CDH18: variants seen among roughly 807,000 people sequenced by gnomAD.
The protein encoded by CDH18 is cadherin-18.
Under a neutral mutation model 67.9 loss-of-function variants are expected in CDH18, and 31 were observed. The observed-to-expected ratio is 0.46, with a 90% CI of 0.34 to 0.62. CDH18 has a LOEUF of 0.62. Among genes scored for constraint, CDH18 ranks in the 20% least tolerant of loss-of-function variants. The pLI, the probability that CDH18 is intolerant of heterozygous loss-of-function variation, is 0.01. For synonymous variants in CDH18, 362 were observed against 347.2 expected (o/e 1.04, Z -0.48); for missense variants, 890 against 975.5 (o/e 0.91, Z 1.17).
chr5:19,750,035 A>G (rs191562328), intron 3 of CDH18, among the ~76,000 whole-genome samples: 1 of 152,066 alleles, frequency 6.6e-6, no homozygotes, highest in African/African-American at 2.4e-5. Flanking sequence ...AATATTTAGC[A>G]TGAGTTTTTA....
rs1743046581 is a variant in CDH18, at chr5:20,242,622, A to ATG, written c.-518+12821_-518+12822insCA. On this transcript the variant is annotated intron_variant, in intron 2 of 14. Transcript: ENST00000507958. ...AAAAAAAAAAAAAAAATATATATAT[A>ATG]TATATATATATGTATATATATATAT... 2.8e-5 allele frequency among the ~76,000 whole-genome samples: 3 copies of ATG among 106,968 alleles called. 1 individual carries two copies. The highest frequency in any genetic ancestry group is 9.7e-5 in the Admixed American group (1 of 10,276). 70.2% of individuals were successfully genotyped at this position (106,968 alleles called of 152,430 possible). A position where few individuals can be genotyped will look rare whatever the true frequency, so the allele number is the denominator to read the frequency against.
intron 2 of CDH18, among the ~76,000 whole-genome samples, chr5:20,079,914 C>T (rs750829526): frequency 6.6e-6 from 1 of 152,040 alleles, no homozygotes; most frequent in Non-Finnish European, 1.5e-5. Context: ...GCTGAGAGGG[C>T]AGCAGAGAAA....
intron 2 of CDH18, among the ~76,000 whole-genome samples, chr5:19,931,227 C>T (rs1238976440): frequency 6.6e-6 from 1 of 151,888 alleles, no homozygotes; most frequent in Non-Finnish European, 1.5e-5. Flanking sequence ...CAAGATTCTT[C>T]AATGGCAATT....
intron 2 of CDH18, among the ~76,000 whole-genome samples, chr5:20,099,200 A>C (rs890262419): frequency 7.2e-5 from 11 of 152,158 alleles, no homozygotes; most frequent in African/African-American, 1.4e-4. Flanking sequence ...ATTACACCAA[A>C]ATGCTGTTTT....
chr5:19,986,289 C>G (rs977085798), intron 1 of CDH18, among the ~76,000 whole-genome samples: 22 of 152,158 alleles, frequency 1.4e-4, no homozygotes, highest in Non-Finnish European at 3.1e-4. Context: ...ACTGCTATAG[C>G]TAATTATAAT....
intron 2 of CDH18, among the ~76,000 whole-genome samples, chr5:20,017,766 A>G (rs1032990827): frequency 2.0e-5 from 3 of 152,184 alleles, no homozygotes; most frequent in South Asian, 2.1e-4. Flanking sequence ...ATCAGAAAAA[A>G]TGGAGCAGAA....
Position 20,330,020 on chromosome 5 carries a change from A to C in CDH18, c.-579-74515T>G, listed in dbSNP as rs1044136344. Among the ~76,000 whole-genome samples, 10 of 152,072 alleles carry C rather than the reference A, an allele frequency of 6.6e-5. No homozygotes were observed. In the South Asian group the frequency reaches 1.2e-3, roughly 19 times the overall value. On this transcript the variant is annotated intron_variant, in intron 1 of 14. Transcript: ENST00000507958. ...TAAAATTCAGATACAAATAATGAAA[A>C]ATAGTTATGTGTTACCAACCCCCAA...
intron 2 of CDH18, among the ~76,000 whole-genome samples, chr5:20,118,567 T>C (rs1263826828): frequency 6.6e-6 from 1 of 152,194 alleles, no homozygotes; most frequent in African/African-American, 2.4e-5. Flanking sequence ...CATTCAAGGC[T>C]TCTTTGTATC....
chr5:19,550,419 C>A (rs1235902728), intron 8 of CDH18, among the ~76,000 whole-genome samples: 1 of 151,960 alleles, frequency 6.6e-6, no homozygotes, highest in Admixed American at 6.6e-5. Context: ...CCCACTCCCC[C>A]CACCCCACAA....
At chr5:20,229,108 T>C (rs1230395875) in intron 2 of CDH18, among the ~76,000 whole-genome samples, 8 of 151,978 alleles carry the variant, frequency 5.3e-5, no homozygotes, top group Non-Finnish European at 1.0e-4. Flanking sequence ...CTAGCAAAAA[T>C]AGGAGAGAGA....
chr5:20,378,498 C>G (rs2150096379), intron 1 of CDH18, among the ~76,000 whole-genome samples: 1 of 152,218 alleles, frequency 6.6e-6, no homozygotes, highest in South Asian at 2.1e-4. Context: ...CATATTTTAT[C>G]TTCGTTTCCT....
At position 20,380,410 on chromosome 5, in the gene CDH18, T is replaced by C. The variant is rs566648180; in HGVS notation, c.-579-124905A>G. On this transcript the variant is annotated intron_variant, in intron 1 of 14. Transcript: ENST00000507958. ...TTCTAAAAAATACTTCTTATGGTTG[T>C]AAAGATTCAAAATAATTTCATGTAT... Among the ~76,000 whole-genome samples, 43 of 152,340 alleles carry C rather than the reference T, an allele frequency of 2.8e-4. 1 individual carries two copies. The South Asian group carries it at 8.5e-3, about 30-fold the overall frequency.
At chr5:19,599,189 C>T (rs565561491) in intron 6 of CDH18, among the ~76,000 whole-genome samples, 1 of 151,954 alleles carries the variant, frequency 6.6e-6, no homozygotes, top group East Asian at 1.9e-4. Flanking sequence ...AATATATGTA[C>T]ACACAGTGTT....
chr5:19,862,976 G>A (rs114610107), intron 2 of CDH18, among the ~76,000 whole-genome samples: 1,951 of 151,830 alleles, frequency 0.013, 38 homozygotes, highest in African/African-American at 0.045. Flanking sequence ...CAGAGAGAAA[G>A]CAAGAAAAAC....
At chr5:20,444,730 C>G (rs910494677) in intron 1 of CDH18, among the ~76,000 whole-genome samples, 1 of 151,616 alleles carries the variant, frequency 6.6e-6, no homozygotes, top group African/African-American at 2.4e-5. Flanking sequence ...TACCAATACT[C>G]AAGTTAGGCT....
intron 1 of CDH18, among the ~76,000 whole-genome samples, chr5:20,314,877 T>TA (rs11453926): frequency 0.039 from 5,934 of 152,080 alleles, 294 homozygotes; most frequent in African/African-American, 0.11. Flanking sequence ...AGAAATTTAT[T>TA]AAGAATAAGT....
At chr5:19,824,747 C>A (rs772506409) in intron 3 of CDH18, among the ~76,000 whole-genome samples, 5 of 151,934 alleles carry the variant, frequency 3.3e-5, no homozygotes, top group Non-Finnish European at 5.9e-5. Flanking sequence ...AAGGACACAA[C>A]CTTCTGTTGT....
intron 2 of CDH18, among the ~76,000 whole-genome samples, chr5:20,091,462 A>G (rs1431112392): frequency 6.6e-6 from 1 of 152,044 alleles, no homozygotes; most frequent in Non-Finnish European, 1.5e-5. Flanking sequence ...CAGCCTGACT[A>G]ATTGGCACTC....
chr5:19,914,172 G>A (rs979280810), intron 2 of CDH18, among the ~76,000 whole-genome samples: 8 of 152,012 alleles, frequency 5.3e-5, no homozygotes, highest in Non-Finnish European at 1.5e-5. Flanking sequence ...ATACATATGT[G>A]TTGTTTGATA....
Sources: gnomAD v4.1 joint callset for allele counts (sites outside exome capture counted in the v4.1 genomes callset) on GRCh38, gnomAD v4.1.1 for gene constraint, MANE v1.5 for transcripts, NCBI Gene and HGNC (gene_info 2026-07-23, HGNC 2026-07-21) for gene names.